Variants in RARB observed in about 807,000 individuals in gnomAD.
RARB encodes the protein HBV-activated protein.
Under a neutral mutation model 51.9 loss-of-function variants are expected in RARB, and 17 were observed. The ratio of observed to expected loss-of-function variants is 0.33; its 90% confidence interval spans 0.22 to 0.49. RARB has a LOEUF of 0.49. RARB is among the 20% of genes least tolerant of loss of function. The probability of loss-of-function intolerance (pLI) is 0.99; values close to 1 mark genes in which losing one functional copy is unlikely to be tolerated. For synonymous variants in RARB, 215 were observed against 195.4 expected (o/e 1.10, Z -0.84); for missense variants, 369 against 550.8 (o/e 0.67, Z 3.30).
At chr3:25,007,353 T>C (rs996576077) in intron 2 of RARB, among the ~76,000 whole-genome samples, 16 of 151,934 alleles carry the variant, frequency 1.1e-4, no homozygotes, top group African/African-American at 3.9e-4. Context: ...TGGCCGGGTG[T>C]AGTGGCTCAC....
intron 3 of RARB, among the ~76,000 whole-genome samples, chr3:25,062,798 A>G (rs1216939413): frequency 6.6e-6 from 1 of 151,976 alleles, no homozygotes; most frequent in Non-Finnish European, 1.5e-5. Flanking sequence ...CTAATTAGGT[A>G]TAGGATTTCT....
At chr3:24,910,270 G>A (rs1694964187) in intron 2 of RARB, among the ~76,000 whole-genome samples, 1 of 152,124 alleles carries the variant, frequency 6.6e-6, no homozygotes, top group Non-Finnish European at 1.5e-5. Flanking sequence ...AATTGCATTT[G>A]CCTTTCCACC....
At chr3:25,323,028 A>G (rs1218467453) in intron 5 of RARB, among the ~76,000 whole-genome samples, 1 of 152,176 alleles carries the variant, frequency 6.6e-6, no homozygotes, top group Non-Finnish European at 1.5e-5. Flanking sequence ...GGGTCAGAGG[A>G]TCCAAAAGGG....
chr3:25,079,236 T>C (rs1321376840), intron 3 of RARB, among the ~76,000 whole-genome samples: 1 of 152,218 alleles, frequency 6.6e-6, no homozygotes, highest in East Asian at 1.9e-4. Flanking sequence ...TGTATCCTTC[T>C]ACCTTGCTAA....
intron 3 of RARB, among the ~76,000 whole-genome samples, chr3:25,554,017 G>A (rs1159226151): frequency 6.6e-6 from 1 of 151,758 alleles, no homozygotes; most frequent in Admixed American, 6.6e-5. Context: ...TTCCCCATGT[G>A]TTTTCAGGGT....
chr3:24,993,482 T>C (rs903629287), intron 2 of RARB, among the ~76,000 whole-genome samples: 34 of 152,158 alleles, frequency 2.2e-4, no homozygotes, highest in Non-Finnish European at 4.4e-5. Flanking sequence ...TTCGTACATA[T>C]GAATCACATT....
chr3:25,468,445 G>A (rs145301984), intron 2 of RARB, among the ~76,000 whole-genome samples: 15 of 139,454 alleles, frequency 1.1e-4, no homozygotes, highest in African/African-American at 3.6e-4. Flanking sequence ...GGTAGGCTCC[G>A]TGACCCACAT....
intron 5 of RARB, among the ~76,000 whole-genome samples, chr3:25,185,642 G>A (rs1700957720): frequency 6.6e-6 from 1 of 151,932 alleles, no homozygotes; most frequent in Non-Finnish European, 1.5e-5. Flanking sequence ...AATCAGAATG[G>A]CTTTTATTAG....
At chr3:25,343,213 G>C (rs945790969) in intron 5 of RARB, among the ~76,000 whole-genome samples, 9 of 152,188 alleles carry the variant, frequency 5.9e-5, no homozygotes, top group Admixed American at 3.3e-4. Flanking sequence ...ACCATCTTCT[G>C]CTCTTCTCTC....
At chr3:24,905,891 A>G (rs1402192704) in intron 2 of RARB, among the ~76,000 whole-genome samples, 1 of 152,174 alleles carries the variant, frequency 6.6e-6, no homozygotes, top group African/African-American at 2.4e-5. Flanking sequence ...CCATGATTAT[A>G]TTTCATCCAT....
At chr3:24,985,031 A>C (rs1004287045) in intron 2 of RARB, among the ~76,000 whole-genome samples, 6 of 152,162 alleles carry the variant, frequency 3.9e-5, no homozygotes, top group Non-Finnish European at 5.9e-5. Flanking sequence ...CATCGGGTTC[A>C]TTTTATTCTG....
intron 2 of RARB, among the ~76,000 whole-genome samples, chr3:24,951,461 G>A (rs1271096439): frequency 6.6e-6 from 1 of 152,186 alleles, no homozygotes; most frequent in African/African-American, 2.4e-5. Flanking sequence ...TCCTGAGAGT[G>A]ATGTGCTTAG....
chr3:25,548,753 G>C (rs1699725791), intron 3 of RARB, among the ~76,000 whole-genome samples: 2 of 151,374 alleles, frequency 1.3e-5, no homozygotes, highest in African/African-American at 4.9e-5. Flanking sequence ...GTTATTTATT[G>C]AGTTTCTCTA....
chr3:24,871,737 C>T (rs1385500654), intron 2 of RARB, among the ~76,000 whole-genome samples: 1 of 152,188 alleles, frequency 6.6e-6, no homozygotes, highest in Non-Finnish European at 1.5e-5. Flanking sequence ...TATCTCTCTT[C>T]TGAACACACC....
intron 4 of RARB, among the ~76,000 whole-genome samples, chr3:25,166,590 T>C (rs1355421166): frequency 6.6e-6 from 1 of 152,044 alleles, no homozygotes; most frequent in African/African-American, 2.4e-5. Flanking sequence ...ATTGAAAAAA[T>C]CTCTCTTTTT....
intron 2 of RARB, among the ~76,000 whole-genome samples, chr3:25,039,729 G>A (rs79502181): frequency 0.025 from 3,797 of 152,258 alleles, 149 homozygotes; most frequent in African/African-American, 0.087. Context: ...GGGCACCAAA[G>A]ATTATTTTGG....
rs377299793 is a variant in RARB, at chr3:25,286,245, T to C, written c.178+111670T>C. Among the ~76,000 whole-genome samples the C allele has an allele frequency of 7.6e-4, 116 of 152,062 alleles. 2 individuals carry two copies. The highest frequency in any genetic ancestry group is 1.5e-3 in the African/African-American group (63 of 41,504). ...CTGGGACTACAGGCGCCCGCCACCA[T>C]GCCCAGCTAATTTTTTGTATTTTGA... On this transcript the variant is annotated intron_variant, in intron 5 of 11. Transcript: ENST00000383772.
At chr3:24,955,465 C>A (rs1371535145) in intron 2 of RARB, among the ~76,000 whole-genome samples, 1 of 152,084 alleles carries the variant, frequency 6.6e-6, no homozygotes, top group Non-Finnish European at 1.5e-5. Context: ...GAGGGTGGGG[C>A]CTTTGCCAGG....
At chr3:24,918,145 T>G (rs1191479539) in intron 2 of RARB, among the ~76,000 whole-genome samples, 1 of 151,996 alleles carries the variant, frequency 6.6e-6, no homozygotes. Context: ...ATGCAAACAA[T>G]CCAAATGTTC....
Sources: gnomAD v4.1 joint callset for allele counts (sites outside exome capture counted in the v4.1 genomes callset) on GRCh38, gnomAD v4.1.1 for gene constraint, MANE v1.5 for transcripts, NCBI Gene and HGNC (gene_info 2026-07-23, HGNC 2026-07-21) for gene names.